Variants in PRX observed in about 807,000 individuals in gnomAD.
The protein encoded by PRX is periaxin.
In PRX, 24 loss-of-function variants were observed where a neutral mutation model predicts 29.6. That is an observed-to-expected ratio of 0.81 (90% CI 0.59 to 1.14). The LOEUF (loss-of-function observed/expected upper bound fraction) is 1.14, where lower values mean the gene tolerates loss of function less well. Ranked by LOEUF, PRX falls within the 50% of genes most tolerant of loss-of-function variation. PRX has a pLI of 0.00. For synonymous variants in PRX, 772 were observed against 831.7 expected (o/e 0.93, Z 1.24); for missense variants, 1,838 against 1,926.4 (o/e 0.95, Z 0.86).
rs771328791 is a variant in PRX, at chr19:40,393,917, G to C, written c.*49C>G. On this transcript the variant is annotated 3_prime_UTR_variant, in exon 7 of 7. Transcript: ENST00000324001. ...CTAGTTATCACACACACAACAGCGA[G>C]GGGGTAGAGAAAGGAAGGCAAGAAG... The C allele has an allele frequency of 2.5e-6, 4 of 1,601,912 alleles. No homozygotes were observed. The highest frequency in any genetic ancestry group is 2.7e-5 in the African/African-American group (2 of 74,872).
At position 40,394,246 on chromosome 19, in the gene PRX, C is replaced by A. The variant is rs2079406734; in HGVS notation, c.4106G>T (p.Gly1369Val). ...GCGGACCCGGACCCGGCCCCGGCGA[C>A]CCGAGGCCCCTTCCCCACTGCCCTC... is the stretch of plus-strand genomic sequence containing the variant. ...EEEGSGEGAS[G>V]RRGRVRVRLP... The change falls in exon 7 of 7, where the codon GGT becomes GTT. Residue 1369 changes from glycine to valine, a missense_variant. By Grantham distance (109) the Gly-to-Val change is moderately radical. Around this residue, in one of 3 missense-constraint regions of PRX, gnomAD observed 1,143 missense variants for 1,193.0 expected, o/e 0.96. Transcript: ENST00000324001. The surrounding 1 kb of genome is among the most constrained non-coding windows in gnomAD (Gnocchi z 5.8). The A allele has an allele frequency of 6.2e-7, 1 of 1,607,944 alleles. No individual in the cohort carries two copies. The highest frequency in any genetic ancestry group is 8.5e-7 in the Non-Finnish European group (1 of 1,175,498).
At position 40,394,973 on chromosome 19, in the gene PRX, T is replaced by A. The variant is rs964195568; in HGVS notation, c.3379A>T (p.Lys1127Ter). Residue 1127 changes from lysine (K) to a stop codon, truncating the protein, a stop_gained, in exon 7 of 7, where the codon AAG (lysine) becomes TAG (stop). Transcript: ENST00000324001. LOFTEE classifies it low-confidence loss of function (END_TRUNC). This position sits in a 1 kb window ranked among gnomAD's most constrained non-coding sequence, Gnocchi z 5.8. The part of the protein sequence containing the change: ...AVSGMQLSGL[K>*]VSTAGQVVTE... ...ACCACCTGCCCGGCTGTGGACACCT[T>A]CAGGCCTGACAGCTGCATTCCACTG... The A allele has an allele frequency of 1.2e-6, 2 of 1,608,640 alleles. No homozygotes were observed. Among genetic ancestry groups the A allele is most frequent in the Non-Finnish European group, 1.7e-6 (2 of 1,179,488 alleles).
chr19:40,402,196 C>A (rs1476068745), intron 5 of PRX, among the ~76,000 whole-genome samples: 2 of 149,222 alleles, frequency 1.3e-5, no homozygotes, highest in Non-Finnish European at 3.0e-5. Context: ...ACTAAAAATA[C>A]AAAAAAAATT....
intron 1 of PRX, among the ~76,000 whole-genome samples, chr19:40,408,825 G>T (rs1009115634): frequency 1.3e-5 from 2 of 150,732 alleles, no homozygotes; most frequent in African/African-American, 4.9e-5. Context: ...TGGTGTGTGT[G>T]TGTGTGTGTG....
At position 40,398,059 on chromosome 19, in the gene PRX, G is replaced by A. The variant is rs150266095; in HGVS notation, c.382-89C>T. 7.4e-6 allele frequency: 11 copies of A among 1,494,520 alleles called. No individual in the cohort carries two copies. The highest frequency in any genetic ancestry group is 7.3e-5 in the East Asian group (3 of 41,034). 92.6% of individuals were successfully genotyped at this position (1,494,520 alleles called of 1,614,324 possible). On this transcript the variant is annotated intron_variant, in intron 6 of 6. Coordinates refer to ENST00000324001, the MANE Select transcript of PRX (RefSeq NM_181882.3). This position sits in a 1 kb window ranked among gnomAD's most constrained non-coding sequence, Gnocchi z 6.3. Reference sequence around the variant, plus strand: ...AGCCCCACCTGGTATTGGACCAGGCGGGGGATGTGCTGGGTCAAGTATCTT... The same window carrying A: ...AGCCCCACCTGGTATTGGACCAGGCAGGGGATGTGCTGGGTCAAGTATCTT...
Position 40,395,651 on chromosome 19 carries a change from C to A in PRX, c.2701G>T (p.Val901Phe), listed in dbSNP as rs767898499. 1.2e-6 allele frequency: 2 copies of A among 1,614,102 alleles called. No individual in the cohort carries two copies. Among genetic ancestry groups the A allele is most frequent in the African/African-American group, 2.7e-5 (2 of 74,948 alleles). ...VREVGFRVPS[V>F]EIVTPQLPAV... ...GGCAGCTGTGGGGTGACAATTTCAA[C>A]AGAGGGCACTCGGAAGCCCACTTCC... is the stretch of plus-strand genomic sequence containing the variant. The change falls in exon 7 of 7, where the codon GTT becomes TTT. Residue 901 changes from valine to phenylalanine, a missense_variant. Physicochemically the swap from Val to Phe is conservative, Grantham distance 50 (BLOSUM62 -1). Around this residue, in one of 3 missense-constraint regions of PRX, gnomAD observed 1,143 missense variants for 1,193.0 expected, o/e 0.96. Coordinates refer to ENST00000324001, the MANE Select transcript of PRX (RefSeq NM_181882.3).
intron 5 of PRX, among the ~76,000 whole-genome samples, chr19:40,403,030 C>T (rs1341649545): frequency 1.3e-5 from 2 of 151,282 alleles, no homozygotes; most frequent in Non-Finnish European, 1.5e-5. Context: ...ATTAGCCGGG[C>T]GTGGTGGAGG....
In PRX at chr19:40,397,174, A is replaced by T. The variant is rs769639694; in HGVS notation, c.1178T>A (p.Met393Lys). The T allele has an allele frequency of 6.2e-7, 1 of 1,613,866 alleles. No homozygotes were observed. Among genetic ancestry groups the T allele is most frequent in the Non-Finnish European group, 8.5e-7 (1 of 1,179,960 alleles). The change falls in exon 7 of 7, where the codon ATG becomes AAG. Residue 393 changes from methionine to lysine, a missense_variant. By Grantham distance (95) the Met-to-Lys change is moderately conservative. Around this residue, in one of 3 missense-constraint regions of PRX, gnomAD observed 666 missense variants for 665.0 expected, o/e 1.00. Coordinates refer to ENST00000324001, the MANE Select transcript of PRX (RefSeq NM_181882.3). ...CAAGAGGGAAAGCCCAAAGGTGGGC[A>T]TTCGAAGTCTGGGACCTTTCACCCT... is the stretch of plus-strand genomic sequence containing the variant. ...EARVKGPRLR[M>K]PTFGLSLLEP...
In PRX at chr19:40,394,451, C is replaced by T. The variant is rs749251511; in HGVS notation, c.3901G>A (p.Gly1301Arg). The T allele has an allele frequency of 3.7e-6, 6 of 1,601,536 alleles. No individual in the cohort carries two copies. The highest frequency in any genetic ancestry group is 2.7e-5 in the African/African-American group (2 of 74,526). The change falls in exon 7 of 7, where the codon GGA becomes AGA. Residue 1301 changes from glycine (G) to arginine (R), a missense_variant. Transcript: ENST00000324001. The surrounding 1 kb of genome is among the most constrained non-coding windows in gnomAD (Gnocchi z 5.8). ...YQVAEGEGEA[G>R]HKLKVRLPRF... ...GGCAGCCGTACCTTGAGCTTGTGTC[C>T]GGCCTCTCCCTCCCCCTCTGCCACC...
rs1349197366 is a variant in PRX, at chr19:40,396,468, C to A, written c.1884G>T (p.Glu628Asp). 1 of 1,609,352 alleles carries A rather than the reference C, an allele frequency of 6.2e-7. No homozygotes were observed. Among genetic ancestry groups the A allele is most frequent in the Non-Finnish European group, 8.5e-7 (1 of 1,178,840 alleles). The change falls in exon 7 of 7, where the codon GAG (glutamate) becomes GAT (aspartate). Residue 628 changes from glutamate to aspartate, a missense_variant. Transcript: ENST00000324001. ...GGAGTTTCATCTCAGGGAGCTTCAT[C>A]TCTGGGACTTTTGGAAGCTGCACTT... Reference protein sequence around the residue: ...LPEVQLPKVPEMKLPEMKLPE... With the variant: ...LPEVQLPKVPDMKLPEMKLPE...
chr19:40,398,660 C>G lies in PRX; in HGVS notation c.341G>C (p.Gly114Ala). Residue 114 changes from glycine to alanine, a missense_variant, in exon 6 of 7, where the codon GGC (glycine) becomes GCC (alanine). Gly to Ala is a moderately conservative substitution (Grantham distance 60, BLOSUM62 0). Coordinates refer to ENST00000324001, the MANE Select transcript of PRX (RefSeq NM_181882.3). The surrounding 1 kb of genome is among the most constrained non-coding windows in gnomAD (Gnocchi z 6.3). ...GGCCCGCGGGCCCTTGATCTCGTAG[C>G]CAGACACGGTCCCGGGCCGCAGAGC... ...DLALRPGTVSGYEIKGPRAKV... is the reference protein window; with the variant it reads ...DLALRPGTVSAYEIKGPRAKV... The G allele has an allele frequency of 6.2e-7, 1 of 1,613,906 alleles. No individual in the cohort carries two copies. Among genetic ancestry groups the G allele is most frequent in the Non-Finnish European group, 8.5e-7 (1 of 1,179,914 alleles).
rs748622767 is a variant in PRX at position 40,395,501 on chromosome 19, C to A, written c.2851G>T (p.Ala951Ser). Residue 951 changes from alanine to serine, a missense_variant, in exon 7 of 7, where the codon GCT (alanine) becomes TCT (serine). This residue lies in a region of PRX where 1,143 missense variants were observed against 1,193.0 expected (regional missense o/e 0.96). Coordinates refer to ENST00000324001, the MANE Select transcript of PRX (RefSeq NM_181882.3). Reference protein sequence around the residue: ...PKVAKAEAEGAGRATKLKVSK... With the variant: ...PKVAKAEAEGSGRATKLKVSK... ...ACCTTCAGCTTGGTAGCTCGCCCAGCCCCCTCAGCCTCTGCCTTAGCCACC... is the reference window on the plus strand; with the variant it reads ...ACCTTCAGCTTGGTAGCTCGCCCAGACCCCTCAGCCTCTGCCTTAGCCACC... The A allele has an allele frequency of 1.5e-5, 25 of 1,614,084 alleles. No homozygotes were observed. Among genetic ancestry groups the A allele is most frequent in the Middle Eastern group, 1.6e-4 (1 of 6,084 alleles).
Position 40,397,015 on chromosome 19 carries a change from T to G in PRX, c.1337A>C (p.Lys446Thr), listed in dbSNP as rs780270854. 3.1e-6 allele frequency: 5 copies of G among 1,614,142 alleles called. No homozygotes were observed. The highest frequency in any genetic ancestry group is 1.1e-5 in the South Asian group (1 of 91,088). The change falls in exon 7 of 7, where the codon AAG (lysine) becomes ACG (threonine). Residue 446 changes from lysine (K) to threonine (T), a missense_variant. Transcript: ENST00000324001. ...TTTTGGAAGCTTGACCTCAGGAGCC[T>G]TGGGGAGCTTCACTTCAGGTCCCTT... The part of the protein sequence containing the change: ...VPKGPEVKLP[K>T]APEVKLPKVP...
rs975620649 is a variant in PRX at position 40,398,220 on chromosome 19, C to T, written c.382-250G>A. 9 of 1,415,062 alleles carry T rather than the reference C, an allele frequency of 6.4e-6. No individual in the cohort carries two copies. The African/African-American group carries it at 7.2e-5, about 11-fold the overall frequency. The allele number at this position is 1,415,062 out of a possible 1,614,324, so 87.7% of individuals were successfully genotyped here. On this transcript the variant is annotated intron_variant, in intron 6 of 6. Transcript: ENST00000324001. The surrounding 1 kb of genome is among the most constrained non-coding windows in gnomAD (Gnocchi z 6.3). ...GACCCAAGACTTCTAGATCCTGATC[C>T]GGGATTTTCCCCAACATCCTCATTC... is the stretch of plus-strand genomic sequence containing the variant.
At position 40,397,515 on chromosome 19, in the gene PRX, A is replaced by G. The variant is rs1193564975; in HGVS notation, c.837T>C (p.Ala279=). ...HLPTLGLGAP[A]PPAVEAPAVG... is the part of the protein sequence containing the mutation. ...CGGCTGGGGCCTCCACAGCAGGCGG[A>G]GCCGGGGCTCCGAGCCCAAGGGTTG... The change falls in exon 7 of 7, where the codon GCT becomes GCC. Residue 279 remains alanine, a synonymous_variant. Transcript: ENST00000324001. The G allele has an allele frequency of 6.5e-7, 1 of 1,547,064 alleles. No homozygotes were observed. The highest frequency in any genetic ancestry group is 8.7e-7 in the Non-Finnish European group (1 of 1,147,926).
At chr19:40,400,404 C>G (rs967679776) in intron 5 of PRX, among the ~76,000 whole-genome samples, 17 of 146,858 alleles carry the variant, frequency 1.2e-4, no homozygotes, top group Non-Finnish European at 2.4e-4. Context: ...ACCAGCCTGA[C>G]CAATATGGAG....
intron 4 of PRX, 21 bp downstream of exon 4, chr19:40,407,885 G>T (rs1404937982): frequency 6.2e-7 from 1 of 1,613,016 alleles, no homozygotes. Flanking sequence ...AGTGCGCCTT[G>T]CAGGACACGT....
chr19:40,412,270 C>G (rs889954815), intron 1 of PRX, among the ~76,000 whole-genome samples: 2 of 152,142 alleles, frequency 1.3e-5, no homozygotes, highest in African/African-American at 2.4e-5. Flanking sequence ...CCTAGGGGGT[C>G]AGGGGGAGTT....
At position 40,400,607 on chromosome 19, in the gene PRX, A is replaced by G. The variant is rs1049105149; in HGVS notation, c.185-1791T>C. Among the ~76,000 whole-genome samples the G allele has an allele frequency of 6.1e-5, 9 of 148,098 alleles. 1 individual carries two copies. The highest frequency in any genetic ancestry group is 2.3e-4 in the African/African-American group (9 of 39,794). Reference sequence around the variant, plus strand: ...AATTCCATCTCAAAAAAAAAAAAAAAAAAAAAAAAAAGACAAGATCTCACT... The same window carrying G: ...AATTCCATCTCAAAAAAAAAAAAAAGAAAAAAAAAAAGACAAGATCTCACT... On this transcript the variant is annotated intron_variant, in intron 5 of 6. Transcript: ENST00000324001.
Sources: allele counts gnomAD v4.1 joint callset (sites outside exome capture counted in the v4.1 genomes callset), GRCh38; gene constraint gnomAD v4.1.1; regional missense constraint gnomAD v4.1.1; non-coding constraint Gnocchi (gnomAD v3.1); transcripts MANE v1.5; gene names NCBI Gene and HGNC (gene_info 2026-07-23, HGNC 2026-07-21).